The following MRPS28 variants were observed in gnomAD, a reference collection of about 807,000 sequenced individuals.
MRPS28 encodes mitochondrial ribosomal protein S28.
Under a neutral mutation model 10.8 loss-of-function variants are expected in MRPS28, and 7 were observed. That is an observed-to-expected ratio of 0.65 (90% CI 0.37 to 1.22). The LOEUF is 1.22. MRPS28 is among the 50% of genes most tolerant of loss of function. The pLI, the probability that MRPS28 is intolerant of heterozygous loss-of-function variation, is 0.02. For missense variants in MRPS28, 265 were observed against 232.9 expected (o/e 1.14, Z -0.90); for synonymous variants, 121 against 93.3 (o/e 1.30, Z -1.71).
chr8:79,951,579 G>A lies in MRPS28; in HGVS notation c.396-32431C>T, dbSNP rs114385744. 2.8e-3 allele frequency among the ~76,000 whole-genome samples: 423 copies of A among 152,204 alleles called. 1 individual carries two copies. The highest frequency in any genetic ancestry group is 9.3e-3 in the African/African-American group (388 of 41,518). ...CCCTGGGAATTATGCAGCCAGCCCC[G>A]GCAGATCTTGATAAGTCTGAATCAA... is the stretch of plus-strand genomic sequence containing the variant. On this transcript the variant is annotated intron_variant, in intron 2 of 2. Coordinates refer to ENST00000276585, the MANE Select transcript of MRPS28 (RefSeq NM_014018.3).
At chr8:79,954,135 T>A (rs1050173386) in intron 2 of MRPS28, among the ~76,000 whole-genome samples, 1 of 152,190 alleles carries the variant, frequency 6.6e-6, no homozygotes. Flanking sequence ...CTCAGCTATT[T>A]GGGAGGCTGA....
At chr8:79,991,451 T>C (rs890673900) in intron 2 of MRPS28, among the ~76,000 whole-genome samples, 2 of 152,196 alleles carry the variant, frequency 1.3e-5, no homozygotes, top group Non-Finnish European at 2.9e-5. Context: ...AGCTCAAAGC[T>C]GCTAGCAGTT....
At chr8:79,985,102 C>G (rs145767820) in intron 2 of MRPS28, among the ~76,000 whole-genome samples, 2,402 of 152,208 alleles carry the variant, frequency 0.016, 61 homozygotes, top group African/African-American at 0.052. Context: ...AATCAAACTA[C>G]AACTCAGGAT....
intron 1 of MRPS28, among the ~76,000 whole-genome samples, chr8:80,004,947 A>T (rs145791998): frequency 0.014 from 2,141 of 152,320 alleles, 45 homozygotes; most frequent in African/African-American, 0.049. Context: ...AGAAAAGTAA[A>T]AAGAAATGAA....
intron 2 of MRPS28, among the ~76,000 whole-genome samples, chr8:79,965,118 A>G (rs1807472065): frequency 6.6e-6 from 1 of 152,134 alleles, no homozygotes; most frequent in African/African-American, 2.4e-5. Flanking sequence ...TCAAGTTTAA[A>G]TCAATCTACA....
intron 2 of MRPS28, among the ~76,000 whole-genome samples, chr8:79,928,983 T>C (rs952196473): frequency 1.3e-5 from 2 of 152,086 alleles, no homozygotes; most frequent in African/African-American, 4.8e-5. Context: ...GAGGCGGAGA[T>C]TGCAGTTAGC....
chr8:80,027,273 A>G (rs1767167818), intron 1 of MRPS28, among the ~76,000 whole-genome samples: 1 of 152,234 alleles, frequency 6.6e-6, no homozygotes. Context: ...CGTTAAATGT[A>G]TTATTTCACA....
In MRPS28 at chr8:79,956,114, G is replaced by A. The variant is rs539140944; in HGVS notation, c.396-36966C>T. Among the ~76,000 whole-genome samples the A allele has an allele frequency of 3.4e-4, 51 of 152,108 alleles. No homozygotes were observed. In the South Asian group the frequency reaches 0.01, roughly 31 times the overall value. ...ATTTTCTTGATGCCTGATTGCCTTT[G>A]AAACAACTTTTTGTTGGCTTTTGCT... On this transcript the variant is annotated intron_variant, in intron 2 of 2. Coordinates refer to ENST00000276585, the MANE Select transcript of MRPS28 (RefSeq NM_014018.3).
intron 2 of MRPS28, among the ~76,000 whole-genome samples, chr8:79,987,246 C>T (rs1808213708): frequency 6.6e-6 from 1 of 151,868 alleles, no homozygotes; most frequent in Non-Finnish European, 1.5e-5. Flanking sequence ...AAACTGGATC[C>T]CTTCCTTACA....
At chr8:79,933,317 C>A (rs1391092014) in intron 2 of MRPS28, among the ~76,000 whole-genome samples, 6 of 152,172 alleles carry the variant, frequency 3.9e-5, no homozygotes, top group Non-Finnish European at 7.3e-5. Context: ...CATGCACATG[C>A]AGAGTGTTCT....
intron 2 of MRPS28, among the ~76,000 whole-genome samples, chr8:79,979,099 A>G (rs1807880307): frequency 6.6e-6 from 1 of 152,222 alleles, no homozygotes; most frequent in South Asian, 2.1e-4. Flanking sequence ...TATTTTGAAA[A>G]GGGAAAAATT....
intron 2 of MRPS28, among the ~76,000 whole-genome samples, chr8:79,970,724 T>C (rs1807610686): frequency 1.3e-5 from 2 of 152,130 alleles, no homozygotes; most frequent in Non-Finnish European, 2.9e-5. Context: ...CATGAAACTA[T>C]CACAATTATA....
At chr8:79,986,442 A>C (rs1001184846) in intron 2 of MRPS28, among the ~76,000 whole-genome samples, 2 of 152,210 alleles carry the variant, frequency 1.3e-5, no homozygotes, top group African/African-American at 4.8e-5. Context: ...AGGCAGGAGA[A>C]GGAAATAAAG....
intron 2 of MRPS28, among the ~76,000 whole-genome samples, chr8:79,989,288 G>C (rs1046843434): frequency 2.0e-5 from 3 of 152,202 alleles, no homozygotes; most frequent in African/African-American, 7.2e-5. Context: ...GTATTAGCTT[G>C]AATCAGTTGA....
intron 2 of MRPS28, among the ~76,000 whole-genome samples, chr8:79,961,055 AC>A (rs570171206): frequency 1.3e-3 from 195 of 152,162 alleles, no homozygotes; most frequent in Non-Finnish European, 2.6e-3. Flanking sequence ...CAATCTTTAG[AC>A]CCAAGGCCCA....
chr8:79,944,020 G>A (rs1301393971), intron 2 of MRPS28, among the ~76,000 whole-genome samples: 1 of 152,106 alleles, frequency 6.6e-6, no homozygotes, highest in Admixed American at 6.5e-5. Context: ...TATTTCAACA[G>A]ATAACTGACC....
At chr8:79,960,285 A>G (rs1250842878) in intron 2 of MRPS28, among the ~76,000 whole-genome samples, 1 of 152,150 alleles carries the variant, frequency 6.6e-6, no homozygotes, top group Non-Finnish European at 1.5e-5. Flanking sequence ...TGCAGGCTGT[A>G]GACCTTGCCA....
intron 2 of MRPS28, among the ~76,000 whole-genome samples, chr8:79,923,351 C>T (rs186850532): frequency 1.3e-5 from 2 of 152,212 alleles, no homozygotes; most frequent in East Asian, 3.9e-4. Flanking sequence ...TAAACATAAT[C>T]CCTTTAGGAG....
At chr8:79,961,851 G>A (rs1309259060) in intron 2 of MRPS28, among the ~76,000 whole-genome samples, 1 of 152,090 alleles carries the variant, frequency 6.6e-6, no homozygotes, top group Admixed American at 6.6e-5. Flanking sequence ...TATGCAAGAC[G>A]ATTTCACTTT....
Sources: gnomAD v4.1 joint callset for allele counts (sites outside exome capture counted in the v4.1 genomes callset) on GRCh38, gnomAD v4.1.1 for gene constraint, MANE v1.5 for transcripts, NCBI Gene and HGNC (gene_info 2026-07-23, HGNC 2026-07-21) for gene names.